Variants in GABARAPL1 observed in about 807,000 individuals in gnomAD.
GABARAPL1 encodes the protein gamma-aminobutyric acid receptor-associated protein-like 1.
Under a neutral mutation model 14.5 loss-of-function variants are expected in GABARAPL1, and 4 were observed. The ratio of observed to expected loss-of-function variants is 0.28; its 90% CI spans 0.14 to 0.63. The LOEUF (loss-of-function observed/expected upper bound fraction) is 0.63, where lower values mean the gene tolerates loss of function less well. Ranked by LOEUF, GABARAPL1 falls within the 30% of genes least tolerant of loss-of-function variation. The pLI, the probability that GABARAPL1 is intolerant of heterozygous loss-of-function variation, is 0.84. For missense variants in GABARAPL1, 82 were observed against 139.2 expected, an observed-to-expected ratio of 0.59 and a Z score of 2.07; for synonymous variants, 47 against 50.6, an observed-to-expected ratio of 0.93 and a Z score of 0.30.
intron 1 of GABARAPL1, among the ~76,000 whole-genome samples, chr12:10,216,863 A>G (rs890766500): frequency 4.6e-5 from 7 of 152,158 alleles, no homozygotes; most frequent in Non-Finnish European, 8.8e-5. Flanking sequence ...CTAAACTAAA[A>G]GTCTAAAGCT....
chr12:10,216,423 G>A (rs1949089343), intron 1 of GABARAPL1, among the ~76,000 whole-genome samples: 1 of 150,000 alleles, frequency 6.7e-6, no homozygotes, highest in Non-Finnish European at 1.5e-5. Context: ...TACGTGACCT[G>A]TTGAAGATCA....
chr12:10,215,416 A>T (rs1347864790), intron 1 of GABARAPL1, among the ~76,000 whole-genome samples: 1 of 152,186 alleles, frequency 6.6e-6, no homozygotes, highest in East Asian at 1.9e-4. Flanking sequence ...TTAGGAACAG[A>T]TTGTCTATTT....
At position 10,221,869 on chromosome 12, in the gene GABARAPL1, C is replaced by A; in HGVS notation, c.*17C>A. On this transcript the variant is annotated 3_prime_UTR_variant, in exon 4 of 4. Transcript: ENST00000266458. The stretch of plus-strand genomic sequence containing the variant: ...GGGAAATGAGTGGTTGGAAGCCCAG[C>A]AGATGGGAGCACCTGGACTTGGGGG... 6.2e-7 allele frequency: 1 copy of A among 1,612,540 alleles called. No individual in the cohort carries two copies. Among genetic ancestry groups the A allele is most frequent in the Non-Finnish European group, 8.5e-7 (1 of 1,178,774 alleles).
chr12:10,221,876 G>C lies in GABARAPL1; in HGVS notation c.*24G>C. Reference sequence around the variant, plus strand: ...GAGTGGTTGGAAGCCCAGCAGATGGGAGCACCTGGACTTGGGGGTAGGGGA... The same window carrying C: ...GAGTGGTTGGAAGCCCAGCAGATGGCAGCACCTGGACTTGGGGGTAGGGGA... On this transcript the variant is annotated 3_prime_UTR_variant, in exon 4 of 4. Coordinates refer to ENST00000266458, the MANE Select transcript of GABARAPL1 (RefSeq NM_031412.4). 1 of 1,611,540 alleles carries C rather than the reference G, an allele frequency of 6.2e-7. No individual in the cohort carries two copies. The highest frequency in any genetic ancestry group is 8.5e-7 in the Non-Finnish European group (1 of 1,177,884).
rs1218382319 is a variant in GABARAPL1 at position 10,222,750 on chromosome 12, A to C, written c.*898A>C. 6.6e-6 allele frequency: 1 copy of C among 152,142 alleles called. No homozygotes were observed. The highest frequency in any genetic ancestry group is 1.5e-5 in the Non-Finnish European group (1 of 68,026). The allele number at this position is 152,142 out of a possible 1,614,324, so 9.4% of individuals were successfully genotyped here. On this transcript the variant is annotated 3_prime_UTR_variant, in exon 4 of 4. Coordinates refer to ENST00000266458, the MANE Select transcript of GABARAPL1 (RefSeq NM_031412.4). Reference sequence around the variant, plus strand: ...GGGGCAAGTATGAAGTAAGGTAATTATATACTACTCTCATTCAGGATTCTT... The same window carrying C: ...GGGGCAAGTATGAAGTAAGGTAATTCTATACTACTCTCATTCAGGATTCTT...
In GABARAPL1 at chr12:10,213,099, C is replaced by T; in HGVS notation, c.-31C>T. ...TCAGCGGCGAAGGAGGCAGGCCCCG[C>T]GCGGGGATCTCGGAAGCCCTGCGGT... On this transcript the variant is annotated 5_prime_UTR_variant, in exon 1 of 4. Coordinates refer to ENST00000266458, the MANE Select transcript of GABARAPL1 (RefSeq NM_031412.4). 2 of 1,412,002 alleles carry T rather than the reference C, an allele frequency of 1.4e-6. No individual in the cohort carries two copies. Among genetic ancestry groups the T allele is most frequent in the East Asian group, 2.3e-5 (1 of 42,770 alleles). 87.5% of individuals were successfully genotyped at this position (1,412,002 alleles called of 1,614,324 possible). A position where few individuals can be genotyped will look rare whatever the true frequency, so the allele number is the denominator to read the frequency against.
At chr12:10,219,605 G>A (rs1033254373) in intron 2 of GABARAPL1, among the ~76,000 whole-genome samples, 2 of 152,002 alleles carry the variant, frequency 1.3e-5, no homozygotes, top group African/African-American at 4.8e-5. Flanking sequence ...TTTGAGACCA[G>A]CCTGGCCAAC....
In GABARAPL1 at chr12:10,221,993, C is replaced by A; in HGVS notation, c.*141C>A. The A allele has an allele frequency of 1.4e-6, 1 of 691,914 alleles. No homozygotes were observed. The highest frequency in any genetic ancestry group is 2.5e-6 in the Non-Finnish European group (1 of 394,524). 42.9% of individuals were successfully genotyped at this position (691,914 alleles called of 1,614,324 possible). On this transcript the variant is annotated 3_prime_UTR_variant, in exon 4 of 4. Coordinates refer to ENST00000266458, the MANE Select transcript of GABARAPL1 (RefSeq NM_031412.4). The stretch of plus-strand genomic sequence containing the variant: ...ATCTAGAAACATTACACCACACACA[C>A]CGTCATCACATTTTCACATGCTCAA...
In GABARAPL1 at chr12:10,222,118, A is replaced by G. The variant is rs1232320812; in HGVS notation, c.*266A>G. The stretch of plus-strand genomic sequence containing the variant: ...AGGAATGGGGATGATGTAAGTTTAC[A>G]GTATTCCTGGGGTTTAATTGTTGTG... On this transcript the variant is annotated 3_prime_UTR_variant, in exon 4 of 4. Coordinates refer to ENST00000266458, the MANE Select transcript of GABARAPL1 (RefSeq NM_031412.4). 6.4e-6 allele frequency: 3 copies of G among 472,196 alleles called. No homozygotes were observed. The highest frequency in any genetic ancestry group is 1.2e-5 in the Non-Finnish European group (3 of 256,240). 29.3% of individuals were successfully genotyped at this position (472,196 alleles called of 1,614,324 possible).
chr12:10,221,052 GCTT>G, intron 3 of GABARAPL1: 1 of 985,310 alleles, frequency 1.0e-6, no homozygotes, highest in South Asian at 4.7e-5. Context: ...CCCACAGTCA[GCTT>G]CTTCTATGAA....
intron 1 of GABARAPL1, chr12:10,214,578 C>T (rs1225392364): frequency 6.6e-6 from 1 of 152,188 alleles, no homozygotes. Context: ...AAAATACAAT[C>T]AAGTTTTATT....
intron 1 of GABARAPL1, among the ~76,000 whole-genome samples, chr12:10,215,445 CTGAG>C (rs1237125593): frequency 2.6e-5 from 4 of 152,292 alleles, no homozygotes; most frequent in Non-Finnish European, 2.9e-5. Flanking sequence ...CATAACCCTA[CTGAG>C]TATTAGTCAC....
At chr12:10,219,137 G>A (rs1175690181) in intron 2 of GABARAPL1, among the ~76,000 whole-genome samples, 1 of 151,868 alleles carries the variant, frequency 6.6e-6, no homozygotes, top group Non-Finnish European at 1.5e-5. Context: ...TGGCCAACAT[G>A]GTGAAACCAT....
At chr12:10,215,215 C>T (rs1039582529) in intron 1 of GABARAPL1, among the ~76,000 whole-genome samples, 1 of 152,208 alleles carries the variant, frequency 6.6e-6, no homozygotes, top group Admixed American at 6.5e-5. Flanking sequence ...TTCCTGAAGC[C>T]CATTCCAGCT....
intron 1 of GABARAPL1, among the ~76,000 whole-genome samples, chr12:10,214,994 G>T (rs1353309037): frequency 6.6e-6 from 1 of 152,190 alleles, no homozygotes. Context: ...AAGCCATTAA[G>T]CCTGTCACTC....
chr12:10,217,593 C>T (rs1467412830), intron 1 of GABARAPL1, among the ~76,000 whole-genome samples: 3 of 152,050 alleles, frequency 2.0e-5, no homozygotes, highest in Non-Finnish European at 2.9e-5. Flanking sequence ...CTTAGCCAGG[C>T]GTTGTGGCAT....
chr12:10,217,285 A>G (rs1484462732), intron 1 of GABARAPL1, among the ~76,000 whole-genome samples: 1 of 152,192 alleles, frequency 6.6e-6, no homozygotes, highest in African/African-American at 2.4e-5. Context: ...TCCATTTAAT[A>G]ATGTTTGAAC....
chr12:10,213,064 C>A lies in GABARAPL1; in HGVS notation c.-66C>A. ...CACACCTTGACGTCGGCTGAGGGAG[C>A]GGGACAGGGTCAGCGGCGAAGGAGG... On this transcript the variant is annotated 5_prime_UTR_variant, in exon 1 of 4. Transcript: ENST00000266458. 1.0e-6 allele frequency: 1 copy of A among 959,888 alleles called. No homozygotes were observed. The allele number at this position is 959,888 out of a possible 1,614,324, so 59.5% of individuals were successfully genotyped here.
At chr12:10,221,431 C>T (rs1162788514) in intron 3 of GABARAPL1, 2 of 948,258 alleles carry the variant, frequency 2.1e-6, no homozygotes, top group African/African-American at 1.8e-5. Flanking sequence ...TTCTAATAAT[C>T]CTGAATCTTT....
Sources: gnomAD v4.1 joint callset for allele counts (sites outside exome capture counted in the v4.1 genomes callset) on GRCh38, gnomAD v4.1.1 for gene constraint, MANE v1.5 for transcripts, NCBI Gene and HGNC (gene_info 2026-07-23, HGNC 2026-07-21) for gene names.